The following KHDRBS2 variants were observed in gnomAD, a reference collection of about 807,000 sequenced individuals.
The protein encoded by KHDRBS2 is KH RNA binding domain containing, signal transduction associated 2, also known as KH domain-containing, RNA-binding, signal transduction-associated protein 2.
A neutral mutation model predicts 44.3 loss-of-function variants in KHDRBS2; 26 were observed. That is an observed-to-expected ratio of 0.59 (90% CI 0.43 to 0.81). The LOEUF (loss-of-function observed/expected upper bound fraction) is 0.81, where lower values mean the gene tolerates loss of function less well. KHDRBS2 is among the 40% of genes least tolerant of loss of function. The probability of loss-of-function intolerance (pLI) is 0.00; values close to 1 mark genes in which losing one functional copy is unlikely to be tolerated. For missense variants in KHDRBS2, 476 were observed against 433.1 expected (o/e 1.10, Z -0.88); for synonymous variants, 194 against 151.1 (o/e 1.28, Z -2.08).
chr6:61,753,042 C>G (rs1241757270), intron 6 of KHDRBS2, among the ~76,000 whole-genome samples: 1 of 152,142 alleles, frequency 6.6e-6, no homozygotes, highest in African/African-American at 2.4e-5. Context: ...TTATTCCTCA[C>G]TCTATTTGTA....
the KHDRBS2 span, among the ~76,000 whole-genome samples, chr6:61,674,328 C>A: frequency 1.3e-5 from 2 of 151,788 alleles, no homozygotes; most frequent in African/African-American, 2.4e-5. Flanking sequence ...ACCTGGAATT[C>A]TGTCTCCTCT....
At chr6:61,963,021 T>C (rs1388858460) in intron 4 of KHDRBS2, among the ~76,000 whole-genome samples, 2 of 152,106 alleles carry the variant, frequency 1.3e-5, no homozygotes, top group Non-Finnish European at 2.9e-5. Flanking sequence ...TTTCTCACAC[T>C]GACAGCAGCA....
intron 4 of KHDRBS2, among the ~76,000 whole-genome samples, chr6:61,908,583 G>A (rs1805469284): frequency 6.8e-6 from 1 of 148,120 alleles, no homozygotes; most frequent in African/African-American, 2.5e-5. Context: ...GCAGTGAGCT[G>A]AGATAGCGCC....
At chr6:61,570,013 A>G in the KHDRBS2 span, among the ~76,000 whole-genome samples, 1 of 152,184 alleles carries the variant, frequency 6.6e-6, no homozygotes, top group Non-Finnish European at 1.5e-5. Flanking sequence ...ATGACAAAAC[A>G]GGGTTTTATA....
intron 2 of KHDRBS2, among the ~76,000 whole-genome samples, chr6:62,080,429 A>G (rs1008409611): frequency 2.0e-5 from 3 of 152,138 alleles, no homozygotes; most frequent in African/African-American, 7.2e-5. Context: ...AATTTAGAAA[A>G]AATGTAGCCC....
At chr6:61,851,084 A>AT (rs1322363126) in intron 6 of KHDRBS2, among the ~76,000 whole-genome samples, 7 of 151,794 alleles carry the variant, frequency 4.6e-5, no homozygotes, top group Admixed American at 1.3e-4. Context: ...ACTCATCTCC[A>AT]TTTTTTCATT....
intron 2 of KHDRBS2, among the ~76,000 whole-genome samples, chr6:62,052,416 GA>G (rs1384812110): frequency 1.3e-5 from 2 of 151,220 alleles, no homozygotes; most frequent in East Asian, 2.0e-4. Context: ...TATGGAATCT[GA>G]AAAAAAATAC....
chr6:62,080,009 C>G (rs939192658), intron 2 of KHDRBS2, among the ~76,000 whole-genome samples: 4 of 151,772 alleles, frequency 2.6e-5, no homozygotes, highest in Admixed American at 6.6e-5. Context: ...ATAAAATGTA[C>G]AATGTTTCTG....
chr6:61,607,544 A>AAAAAAAAAAAAAT, the KHDRBS2 span, among the ~76,000 whole-genome samples: 1 of 148,668 alleles, frequency 6.7e-6, no homozygotes, highest in Non-Finnish European at 1.5e-5. Flanking sequence ...AAAAAAAAAA[A>AAAAAAAAAAAAAT]AGATGTGTGA....
chr6:62,219,940 G>GTA (rs1041209763), intron 1 of KHDRBS2, among the ~76,000 whole-genome samples: 14 of 146,488 alleles, frequency 9.6e-5, no homozygotes, highest in Admixed American at 2.1e-4. Flanking sequence ...TATATTAATA[G>GTA]TATATATATA....
chr6:61,961,081 G>T (rs1411879097), intron 4 of KHDRBS2, among the ~76,000 whole-genome samples: 1 of 152,064 alleles, frequency 6.6e-6, no homozygotes, highest in African/African-American at 2.4e-5. Flanking sequence ...TGGATAAAGA[G>T]AAACTTGAGA....
At chr6:62,018,706 A>T (rs1781714948) in intron 3 of KHDRBS2, among the ~76,000 whole-genome samples, 1 of 152,194 alleles carries the variant, frequency 6.6e-6, no homozygotes, top group Non-Finnish European at 1.5e-5. Context: ...ACTCATGGAC[A>T]TAAGACTGAG....
At chr6:61,591,402 G>T in the KHDRBS2 span, among the ~76,000 whole-genome samples, 81 of 152,122 alleles carry the variant, frequency 5.3e-4, 2 homozygotes, top group Admixed American at 4.7e-3. Context: ...AATATAAAAA[G>T]CAAACATAAA....
intron 2 of KHDRBS2, among the ~76,000 whole-genome samples, chr6:62,096,740 T>C (rs1474806851): frequency 6.6e-6 from 1 of 151,922 alleles, no homozygotes; most frequent in East Asian, 1.9e-4. Context: ...ATCTTTATTA[T>C]TTCTTTCTGT....
chr6:61,863,077 G>T (rs1223892406), intron 6 of KHDRBS2, among the ~76,000 whole-genome samples: 3 of 151,888 alleles, frequency 2.0e-5, no homozygotes, highest in South Asian at 2.1e-4. Context: ...ATGTATAGAG[G>T]TGTTATAATA....
intron 6 of KHDRBS2, among the ~76,000 whole-genome samples, chr6:61,765,327 C>A (rs1779854293): frequency 6.6e-6 from 1 of 152,060 alleles, no homozygotes; most frequent in Non-Finnish European, 1.5e-5. Flanking sequence ...GTGACGTATA[C>A]CTCTAGTACT....
At chr6:62,140,179 A>G (rs938067425) in intron 2 of KHDRBS2, among the ~76,000 whole-genome samples, 23 of 152,198 alleles carry the variant, frequency 1.5e-4, no homozygotes, top group Non-Finnish European at 2.4e-4. Context: ...TATCTTTTAA[A>G]AGATTCAATA....
chr6:61,963,043 TACCAAAC>T (rs1769111258), intron 4 of KHDRBS2, among the ~76,000 whole-genome samples: 1 of 152,108 alleles, frequency 6.6e-6, no homozygotes, highest in African/African-American at 2.4e-5. Context: ...ACTTATTCAC[TACCAAAC>T]ACCACATAAG....
intron 2 of KHDRBS2, among the ~76,000 whole-genome samples, chr6:62,149,478 A>C (rs1198110405): frequency 6.6e-6 from 1 of 152,086 alleles, no homozygotes; most frequent in African/African-American, 2.4e-5. Context: ...GGGTCCATCC[A>C]TACTGTACTG....
Sources: gnomAD v4.1 joint callset for allele counts (sites outside exome capture counted in the v4.1 genomes callset) on GRCh38, gnomAD v4.1.1 for gene constraint, MANE v1.5 for transcripts, NCBI Gene and HGNC (gene_info 2026-07-23, HGNC 2026-07-21) for gene names.